Variants in CDYL observed in about 807,000 individuals in gnomAD.
CDYL encodes the protein chromodomain Y-like protein.
A neutral mutation model predicts 47.3 loss-of-function variants in CDYL; 8 were observed. The ratio of observed to expected loss-of-function variants is 0.17; its 90% CI spans 0.10 to 0.31. The LOEUF (loss-of-function observed/expected upper bound fraction) is 0.31. Ranked by LOEUF, CDYL falls within the 10% of genes least tolerant of loss-of-function variation. The pLI is 1.00. For missense variants in CDYL, 471 were observed against 701.4 expected (o/e 0.67, Z 3.71); for synonymous variants, 266 against 265.0 (o/e 1.00, Z -0.04).
chr6:4,772,250 G>A (rs1193785448), upstream of CDYL, among the ~76,000 whole-genome samples: 1 of 152,238 alleles, frequency 6.6e-6, no homozygotes, highest in African/African-American at 2.4e-5. Flanking sequence ...AACAACTAGT[G>A]ATATCTGGCC....
chr6:4,708,693 A>G (rs1249026610), intron 1 of CDYL, among the ~76,000 whole-genome samples: 1 of 152,218 alleles, frequency 6.6e-6, no homozygotes, highest in Non-Finnish European at 1.5e-5. Context: ...ATTTAAAGCA[A>G]TACTTACAGA....
intron 1 of CDYL, among the ~76,000 whole-genome samples, chr6:4,784,155 A>T (rs777198605): frequency 1.3e-5 from 2 of 152,186 alleles, no homozygotes; most frequent in Admixed American, 1.3e-4. Context: ...TTAATTTTCA[A>T]TAATTACATT....
At chr6:4,762,071 T>C (rs999255255) in intron 3 of CDYL, among the ~76,000 whole-genome samples, 4 of 152,210 alleles carry the variant, frequency 2.6e-5, no homozygotes, top group African/African-American at 9.7e-5. Flanking sequence ...TGCTGAGTTA[T>C]GATTTTGAAA....
At chr6:4,894,339 G>T (rs1221957284) in intron 2 of CDYL, among the ~76,000 whole-genome samples, 1 of 152,164 alleles carries the variant, frequency 6.6e-6, no homozygotes, top group Non-Finnish European at 1.5e-5. Flanking sequence ...CACGGTGCTG[G>T]ACTGTAGTGC....
chr6:4,769,198 T>G (rs1758299462), intron 3 of CDYL, among the ~76,000 whole-genome samples: 1 of 152,206 alleles, frequency 6.6e-6, no homozygotes, highest in Non-Finnish European at 1.5e-5. Flanking sequence ...TTAATAATAC[T>G]GTATCAATAT....
intron 1 of CDYL, among the ~76,000 whole-genome samples, chr6:4,832,361 T>C (rs1350482427): frequency 6.6e-6 from 1 of 151,666 alleles, no homozygotes; most frequent in African/African-American, 2.4e-5. Context: ...TGGCTCTGTT[T>C]ATATGCTGGA....
intron 1 of CDYL, among the ~76,000 whole-genome samples, chr6:4,783,316 T>C (rs1172425217): frequency 1.3e-5 from 2 of 151,900 alleles, no homozygotes; most frequent in Non-Finnish European, 2.9e-5. Context: ...TGAAAGAGAA[T>C]AGTATTTCAA....
rs571545189 is a variant in CDYL, at chr6:4,822,472, T to A, written c.24+45665T>A. On this transcript the variant is annotated intron_variant, in intron 1 of 6. Transcript: ENST00000397588. ...GTTAATAGTTTTGGAATAACCAGCCTGAGAGTCAATTCACATGTGTACACT... is the reference window on the plus strand; with the variant it reads ...GTTAATAGTTTTGGAATAACCAGCCAGAGAGTCAATTCACATGTGTACACT... Among the ~76,000 whole-genome samples the A allele has an allele frequency of 2.6e-5, 4 of 152,348 alleles. No individual in the cohort carries two copies. In the East Asian group the frequency reaches 7.7e-4, roughly 29 times the overall value.
chr6:4,948,374 A>G (rs774356426), intron 5 of CDYL, among the ~76,000 whole-genome samples: 9 of 152,172 alleles, frequency 5.9e-5, no homozygotes. Context: ...ATTCCCAGAA[A>G]GGGCCATGAG....
At chr6:4,762,023 TC>T (rs763069491) in intron 3 of CDYL, among the ~76,000 whole-genome samples, 2 of 152,160 alleles carry the variant, frequency 1.3e-5, no homozygotes, top group Non-Finnish European at 2.9e-5. Flanking sequence ...TGTATGTTTT[TC>T]CCCTGTGAGC....
At chr6:4,737,252 A>G (rs1278311357) in intron 3 of CDYL, among the ~76,000 whole-genome samples, 1 of 152,228 alleles carries the variant, frequency 6.6e-6, no homozygotes, top group African/African-American at 2.4e-5. Flanking sequence ...GTATAAAAGT[A>G]ATAGAAGGAA....
chr6:4,834,540 C>G (rs1445929594), intron 1 of CDYL, among the ~76,000 whole-genome samples: 1 of 148,752 alleles, frequency 6.7e-6, no homozygotes, highest in Non-Finnish European at 1.5e-5. Context: ...GTGAATCTGA[C>G]AATTATGTGT....
chr6:4,766,899 G>T (rs987788425), intron 3 of CDYL, among the ~76,000 whole-genome samples: 15 of 151,994 alleles, frequency 9.9e-5, no homozygotes, highest in African/African-American at 3.1e-4. Context: ...TACTTGGGGG[G>T]AGCTGATGTG....
intron 1 of CDYL, among the ~76,000 whole-genome samples, chr6:4,882,958 C>T (rs1394546609): frequency 6.6e-6 from 1 of 152,090 alleles, no homozygotes; most frequent in Admixed American, 6.5e-5. Flanking sequence ...CTCCCCTGGC[C>T]CTTCCATTAA....
chr6:4,735,904 A>AT (rs1356060867), intron 3 of CDYL, among the ~76,000 whole-genome samples: 1 of 37,360 alleles, frequency 2.7e-5, no homozygotes, highest in Non-Finnish European at 9.1e-5. Context: ...TGTGCACGTG[A>AT]TGGGGGGGGG....
chr6:4,808,587 T>A (rs879674635), intron 1 of CDYL, among the ~76,000 whole-genome samples: 10 of 152,238 alleles, frequency 6.6e-5, no homozygotes, highest in Non-Finnish European at 1.2e-4. Context: ...TTGATGTTTT[T>A]GTAAATAAAG....
At chr6:4,794,433 A>C (rs1353785190) in intron 1 of CDYL, among the ~76,000 whole-genome samples, 1 of 151,966 alleles carries the variant, frequency 6.6e-6, no homozygotes, top group Non-Finnish European at 1.5e-5. Context: ...AGAGAATGGG[A>C]AGAGAGGATT....
At chr6:4,808,016 A>T (rs1759422468) in intron 1 of CDYL, among the ~76,000 whole-genome samples, 1 of 152,102 alleles carries the variant, frequency 6.6e-6, no homozygotes, top group African/African-American at 2.4e-5. Context: ...AAGCTCCTGC[A>T]GTTTGGGTCC....
intron 1 of CDYL, among the ~76,000 whole-genome samples, chr6:4,888,577 A>C (rs925214055): frequency 1.6e-4 from 25 of 152,144 alleles, no homozygotes; most frequent in Non-Finnish European, 2.6e-4. Context: ...ATTTTTTTAA[A>C]AGAAACTTTT....
Sources: allele counts gnomAD v4.1 joint callset (sites outside exome capture counted in the v4.1 genomes callset), GRCh38; gene constraint gnomAD v4.1.1; transcripts MANE v1.5; gene names NCBI Gene and HGNC (gene_info 2026-07-23, HGNC 2026-07-21).